The following ANXA10 variants were observed in gnomAD, a reference collection of about 807,000 sequenced individuals.
ANXA10 encodes annexin A10.
Under a neutral mutation model 53.5 loss-of-function variants are expected in ANXA10, and 49 were observed. The ratio of observed to expected loss-of-function variants is 0.92; its 90% confidence interval spans 0.73 to 1.16. The LOEUF is 1.16. Ranked by LOEUF, ANXA10 falls within the 50% of genes most tolerant of loss-of-function variation. The pLI is 0.00. For synonymous variants in ANXA10, 131 were observed against 128.9 expected (o/e 1.02, Z -0.11); for missense variants, 393 against 394.4 (o/e 1.00, Z 0.03).
chr4:168,179,508 T>C (rs1732198759), intron 9 of ANXA10, among the ~76,000 whole-genome samples, 196 bp downstream of exon 9: 1 of 152,178 alleles, frequency 6.6e-6, no homozygotes, highest in Admixed American at 6.5e-5. Context: ...ACTGGCAACC[T>C]GATAACTTTA....
chr4:168,147,083 A>G (rs1731418506), intron 3 of ANXA10, among the ~76,000 whole-genome samples: 1 of 152,174 alleles, frequency 6.6e-6, no homozygotes, highest in South Asian at 2.1e-4. Flanking sequence ...TTTCCCCAAA[A>G]GTTTCCCCCA....
At chr4:168,181,334 T>C (rs998530607) in intron 9 of ANXA10, among the ~76,000 whole-genome samples, 1 of 143,862 alleles carries the variant, frequency 7.0e-6, no homozygotes, top group Admixed American at 7.4e-5. Context: ...GAGCTTGCAG[T>C]GAGCCGAGAT....
chr4:168,181,866 C>A, intron 10 of ANXA10, 125 bp downstream of exon 10: 1 of 702,158 alleles, frequency 1.4e-6, no homozygotes, highest in Non-Finnish European at 2.4e-6. Context: ...AAAGAAAATA[C>A]ACCCAAGTGA....
In ANXA10 at chr4:168,180,443, A is replaced by C. The variant is rs189988882; in HGVS notation, c.724+1131A>C. ...AGACCCCTGCCACAAAGCAGTGGGC[A>C]TAAGAGAGGAAGTGGTGGACATTAG... On this transcript the variant is annotated intron_variant, in intron 9 of 11. Coordinates refer to ENST00000359299, the MANE Select transcript of ANXA10 (RefSeq NM_007193.5). Among the ~76,000 whole-genome samples the C allele has an allele frequency of 4.5e-4, 68 of 152,352 alleles. No individual in the cohort carries two copies. In the East Asian group the frequency reaches 0.011, roughly 24 times the overall value.
intron 1 of ANXA10, among the ~76,000 whole-genome samples, chr4:168,115,367 G>A (rs937320168): frequency 6.6e-6 from 1 of 151,952 alleles, no homozygotes; most frequent in Non-Finnish European, 1.5e-5. Flanking sequence ...GTTTACACAG[G>A]GGTTGTGCAA....
At chr4:168,159,149 A>T (rs1333754872) in intron 3 of ANXA10, among the ~76,000 whole-genome samples, 1 of 152,232 alleles carries the variant, frequency 6.6e-6, no homozygotes, top group Non-Finnish European at 1.5e-5. Context: ...TTCTATTGAT[A>T]TCATCATATA....
Position 168,186,019 on chromosome 4 carries a change from T to C in ANXA10, c.906+1338T>C, listed in dbSNP as rs541415352. Among the ~76,000 whole-genome samples the C allele has an allele frequency of 3.3e-4, 51 of 152,356 alleles. 1 individual carries two copies. Among genetic ancestry groups the C allele is most frequent in the African/African-American group, 1.2e-3 (49 of 41,588 alleles). On this transcript the variant is annotated intron_variant, in intron 11 of 11. Transcript: ENST00000359299. Reference sequence around the variant, plus strand: ...CCACTTTCAAAACTCTAAACTCTTTTAGTGATGAGAAATGCATGGCATAAT... The same window carrying C: ...CCACTTTCAAAACTCTAAACTCTTTCAGTGATGAGAAATGCATGGCATAAT...
rs1228368715 is a variant in ANXA10 at position 168,131,858 on chromosome 4, T to A, written c.100+3693T>A. 5.3e-5 allele frequency among the ~76,000 whole-genome samples: 8 copies of A among 152,118 alleles called. 1 individual carries two copies. The highest frequency in any genetic ancestry group is 3.9e-4 in the Admixed American group (6 of 15,248). On this transcript the variant is annotated intron_variant, in intron 2 of 11. Coordinates refer to ENST00000359299, the MANE Select transcript of ANXA10 (RefSeq NM_007193.5). Reference sequence around the variant, plus strand: ...GCATGGTATATAATTCTTCATTCTTTACTTTTAATCTCTCTGTGTCTTTAA... The same window carrying A: ...GCATGGTATATAATTCTTCATTCTTAACTTTTAATCTCTCTGTGTCTTTAA...
At chr4:168,136,979 C>T (rs1447398460) in intron 2 of ANXA10, among the ~76,000 whole-genome samples, 1 of 152,212 alleles carries the variant, frequency 6.6e-6, no homozygotes, top group Non-Finnish European at 1.5e-5. Flanking sequence ...ACAGACTTAA[C>T]ACCATGTGGA....
At chr4:168,138,197 A>G (rs1395311248) in intron 2 of ANXA10, among the ~76,000 whole-genome samples, 1 of 151,906 alleles carries the variant, frequency 6.6e-6, no homozygotes, top group African/African-American at 2.4e-5. Context: ...TCCTGACCTC[A>G]TGATCCACCC....
At chr4:168,123,625 C>A (rs888008037) in intron 1 of ANXA10, among the ~76,000 whole-genome samples, 12 of 152,054 alleles carry the variant, frequency 7.9e-5, no homozygotes, top group African/African-American at 2.7e-4. Context: ...TTGAGTGATG[C>A]CAAGACTAAC....
At chr4:168,100,401 G>T (rs1291464875) in intron 1 of ANXA10, among the ~76,000 whole-genome samples, 2 of 152,094 alleles carry the variant, frequency 1.3e-5, no homozygotes, top group Non-Finnish European at 2.9e-5. Flanking sequence ...GACAATGTGT[G>T]AGGCAGGACA....
At chr4:168,100,484 C>T (rs1438753103) in intron 1 of ANXA10, among the ~76,000 whole-genome samples, 3 of 152,082 alleles carry the variant, frequency 2.0e-5, no homozygotes, top group African/African-American at 7.2e-5. Flanking sequence ...GCCTCTCATA[C>T]AGGTTCCTTC....
At chr4:168,150,392 A>G (rs2149474056) in intron 3 of ANXA10, among the ~76,000 whole-genome samples, 1 of 152,360 alleles carries the variant, frequency 6.6e-6, no homozygotes, top group South Asian at 2.1e-4. Context: ...AGCAACTTGC[A>G]CAAACATTTT....
intron 3 of ANXA10, 134 bp from the exon 4 acceptor site, chr4:168,162,394 T>C (rs905459665): frequency 3.0e-6 from 2 of 677,662 alleles, no homozygotes; most frequent in African/African-American, 3.6e-5. Context: ...TACATATACA[T>C]GTGAATCAGA....
intron 1 of ANXA10, among the ~76,000 whole-genome samples, chr4:168,106,234 T>C (rs564858753): frequency 1.8e-4 from 28 of 152,130 alleles, no homozygotes; most frequent in Non-Finnish European, 2.8e-4. Flanking sequence ...CAAACAATTT[T>C]AGGTCAACAA....
intron 3 of ANXA10, among the ~76,000 whole-genome samples, chr4:168,155,746 T>TGA (rs1731617853): frequency 2.6e-5 from 1 of 38,760 alleles, no homozygotes; most frequent in African/African-American, 1.1e-4. Context: ...ATATCATATA[T>TGA]TATATATTAT....
chr4:168,181,031 A>C (rs1007274449), intron 9 of ANXA10, among the ~76,000 whole-genome samples: 10 of 152,176 alleles, frequency 6.6e-5, no homozygotes, highest in African/African-American at 2.4e-4. Context: ...ATTACATGGG[A>C]GCTATATCAA....
At chr4:168,149,196 A>C (rs1047192751) in intron 3 of ANXA10, among the ~76,000 whole-genome samples, 1 of 152,202 alleles carries the variant, frequency 6.6e-6, no homozygotes, top group Non-Finnish European at 1.5e-5. Context: ...AAGACTGGAA[A>C]TAGTGTCTCT....
Sources: gnomAD v4.1 joint callset for allele counts (sites outside exome capture counted in the v4.1 genomes callset) on GRCh38, gnomAD v4.1.1 for gene constraint, MANE v1.5 for transcripts, NCBI Gene and HGNC (gene_info 2026-07-23, HGNC 2026-07-21) for gene names.